CLTB: variants seen among roughly 807,000 people sequenced by gnomAD.
CLTB encodes the protein clathrin, light chain (Lcb).
CLTB carries 10 observed loss-of-function variants against 30.5 expected under a neutral mutation model. The ratio of observed to expected loss-of-function variants is 0.33; its 90% CI spans 0.20 to 0.56. The LOEUF is 0.56. Among genes scored for constraint, CLTB ranks in the 20% least tolerant of loss-of-function variants. The pLI is 0.91. For missense variants in CLTB, 261 were observed against 308.3 expected (o/e 0.85, Z 1.15); for synonymous variants, 102 against 120.3 (o/e 0.85, Z 1.00).
At chr5:176,402,101 G>A (rs867614202) in intron 2 of CLTB, among the ~76,000 whole-genome samples, 30 of 152,052 alleles carry the variant, frequency 2.0e-4, no homozygotes, top group African/African-American at 5.6e-4. Context: ...TCAGGAGTTC[G>A]AGACCACCCT....
At chr5:176,409,249 C>T (rs371957709) in intron 2 of CLTB, among the ~76,000 whole-genome samples, 1 of 138,332 alleles carries the variant, frequency 7.2e-6, no homozygotes, top group African/African-American at 2.7e-5. Context: ...GCTAGGGTTA[C>T]AGGCATGAGC....
At chr5:176,410,393 T>C in intron 1 of CLTB, 90 bp from the exon 2 acceptor site, 1 of 1,015,684 alleles carries the variant, frequency 9.8e-7, no homozygotes, top group Non-Finnish European at 1.5e-6. Context: ...ACCCAAACTC[T>C]GTGTATACCC....
At chr5:176,410,214 G>C (rs1757355639) in intron 2 of CLTB, 43 bp downstream of exon 2, 2 of 1,572,880 alleles carry the variant, frequency 1.3e-6, no homozygotes, top group South Asian at 1.1e-5. Context: ...ACTGAGACCA[G>C]GGCTGTTGGT....
intron 1 of CLTB, among the ~76,000 whole-genome samples, chr5:176,412,008 CT>C (rs1298956370): frequency 6.6e-6 from 1 of 151,942 alleles, no homozygotes. Flanking sequence ...AACCCCGTCT[CT>C]ACTAAAAATA....
intron 2 of CLTB, among the ~76,000 whole-genome samples, chr5:176,408,286 C>A (rs1243717510): frequency 6.6e-6 from 1 of 151,316 alleles, no homozygotes; most frequent in Non-Finnish European, 1.5e-5. Context: ...GTAATCCCAG[C>A]ACTTTGGGAG....
chr5:176,406,787 T>G lies in CLTB; in HGVS notation c.234+3470A>C, dbSNP rs189430660. The G allele has an allele frequency of 6.3e-6, 7 of 1,117,064 alleles. 1 individual carries two copies. The East Asian group carries it at 4.3e-4, about 69-fold the overall frequency. 69.2% of individuals were successfully genotyped at this position (1,117,064 alleles called of 1,614,324 possible). The stretch of plus-strand genomic sequence containing the variant: ...AGTGTTGGGTGTGCACAGGCCAAGG[T>G]TTCTCCTCCCCCTGCAGGTGCAGGC... On this transcript the variant is annotated intron_variant, in intron 2 of 5. Coordinates refer to ENST00000310418, the MANE Select transcript of CLTB (RefSeq NM_007097.5).
intron 5 of CLTB, among the ~76,000 whole-genome samples, chr5:176,394,630 C>A (rs113661709): frequency 1.4e-5 from 2 of 147,736 alleles, no homozygotes; most frequent in African/African-American, 5.0e-5. Context: ...CTGGCTAACA[C>A]GGTGAAACCC....
At chr5:176,411,015 G>GCAAGGTGCA (rs1197265201) in intron 1 of CLTB, among the ~76,000 whole-genome samples, 2 of 152,158 alleles carry the variant, frequency 1.3e-5, no homozygotes, top group Non-Finnish European at 2.9e-5. Context: ...CCCAGCCCAG[G>GCAAGGTGCA]ACCTCACCAC....
At chr5:176,408,809 C>T (rs1031035490) in intron 2 of CLTB, among the ~76,000 whole-genome samples, 10 of 152,212 alleles carry the variant, frequency 6.6e-5, no homozygotes, top group African/African-American at 2.2e-4. Context: ...CGTAAGCCGC[C>T]GTGCCCGGCT....
At chr5:176,414,664 A>G (rs901168372) in intron 1 of CLTB, among the ~76,000 whole-genome samples, 7 of 152,160 alleles carry the variant, frequency 4.6e-5, no homozygotes, top group African/African-American at 1.7e-4. Context: ...GCTCCACAGC[A>G]TTTGAAAGAG....
In CLTB at chr5:176,393,253, C is replaced by T. The variant is rs1363612600; in HGVS notation, c.519-308G>A. On this transcript the variant is annotated intron_variant, in intron 5 of 5. Transcript: ENST00000310418. The surrounding 1 kb of genome is among the most constrained non-coding windows in gnomAD (Gnocchi z 4.4). ...CCTCAGAAAGTCTTCCCAGCCTAGG[C>T]ACCCTCTGTTCATTACTTCCCCATC... Among the ~76,000 whole-genome samples, 1 of 152,198 alleles carries T rather than the reference C, an allele frequency of 6.6e-6. No homozygotes were observed. The highest frequency in any genetic ancestry group is 1.5e-5 in the Non-Finnish European group (1 of 68,030).
chr5:176,402,998 T>C (rs1030808045), intron 2 of CLTB, among the ~76,000 whole-genome samples: 3 of 151,494 alleles, frequency 2.0e-5, no homozygotes, highest in South Asian at 4.2e-4. Context: ...AACAGGAGTC[T>C]CTTTTCATCT....
intron 2 of CLTB, among the ~76,000 whole-genome samples, chr5:176,402,057 CT>C (rs920968893): frequency 1.3e-5 from 2 of 152,196 alleles, no homozygotes; most frequent in African/African-American, 4.8e-5. Flanking sequence ...AATCCTAGCA[CT>C]TTGGGAGGCT....
Position 176,398,045 on chromosome 5 carries a change from C to T in CLTB, c.237G>A (p.Glu79=), listed in dbSNP as rs1407881682. ...GTTVNGDVFQ[E]ANGPADGYAA... ...CGTAGCCATCAGCAGGACCGTTGGC[C>T]TCCTAGAACACAAACACGCAGCAGT... The change falls in exon 3 of 6, where the codon GAG becomes GAA. Residue 79 remains glutamate (E), a splice_region_variant and synonymous_variant. Transcript: ENST00000310418. 1.2e-6 allele frequency: 2 copies of T among 1,613,732 alleles called. No individual in the cohort carries two copies. The highest frequency in any genetic ancestry group is 1.7e-6 in the Non-Finnish European group (2 of 1,179,894).
chr5:176,414,916 T>C (rs184131595), intron 1 of CLTB, among the ~76,000 whole-genome samples: 131 of 152,340 alleles, frequency 8.6e-4, no homozygotes, highest in Admixed American at 7.3e-3. Context: ...CAGTAAACGT[T>C]GAATGGATAC....
intron 4 of CLTB, 113 bp from the exon 5 acceptor site, chr5:176,396,645 G>A (rs1756537220): frequency 3.8e-6 from 3 of 785,220 alleles, no homozygotes; most frequent in Non-Finnish European, 4.4e-6. Flanking sequence ...CCTCCAGTGG[G>A]AGAAATGTTA....
At chr5:176,409,406 CTTTTTT>C (rs34831947) in intron 2 of CLTB, among the ~76,000 whole-genome samples, 2 of 79,656 alleles carry the variant, frequency 2.5e-5, no homozygotes, top group Non-Finnish European at 4.5e-5. Flanking sequence ...TCTGATTGCC[CTTTTTT>C]TTTTTTTTTT....
chr5:176,410,277 C>G lies in CLTB; in HGVS notation c.214G>C (p.Val72Leu), dbSNP rs1394429177. ...GAGSEDMGTTVNGDVFQEANG... is the reference protein window; with the variant it reads ...GAGSEDMGTTLNGDVFQEANG... ...CTTACCTGAAACACATCTCCATTGA[C>G]TGTGGTCCCCATGTCCTCAGAACCA... Residue 72 changes from valine to leucine, a missense_variant, in exon 2 of 6, where the codon GTC (valine) becomes CTC (leucine). Transcript: ENST00000310418. 1.2e-6 allele frequency: 2 copies of G among 1,613,950 alleles called. No individual in the cohort carries two copies. The highest frequency in any genetic ancestry group is 3.3e-5 in the Admixed American group (2 of 59,990).
In CLTB at chr5:176,393,981, C is replaced by T. The variant is rs937394200; in HGVS notation, c.519-1036G>A. ...TGCCAGACATGACTGATGGCAGGAG[C>T]GCTCCATGGAAGAGCTGACCCCGGA... is the stretch of plus-strand genomic sequence containing the variant. On this transcript the variant is annotated intron_variant, in intron 5 of 5. Coordinates refer to ENST00000310418, the MANE Select transcript of CLTB (RefSeq NM_007097.5). This position sits in a 1 kb window ranked among gnomAD's most constrained non-coding sequence, Gnocchi z 4.4. Among the ~76,000 whole-genome samples, 7 of 152,180 alleles carry T rather than the reference C, an allele frequency of 4.6e-5. No individual in the cohort carries two copies. Among genetic ancestry groups the T allele is most frequent in the Admixed American group, 2.0e-4 (3 of 15,280 alleles).
Sources: gnomAD v4.1 joint callset for allele counts (sites outside exome capture counted in the v4.1 genomes callset) on GRCh38, gnomAD v4.1.1 for gene constraint, Gnocchi (gnomAD v3.1) non-coding constraint, MANE v1.5 for transcripts, NCBI Gene and HGNC (gene_info 2026-07-23, HGNC 2026-07-21) for gene names.